Variants in SYTL5 observed in about 807,000 individuals in gnomAD.
The protein encoded by SYTL5 is synaptotagmin like 5.
In SYTL5, 34 loss-of-function variants were observed where a neutral mutation model predicts 55.9. The ratio of observed to expected loss-of-function variants is 0.61; its 90% CI spans 0.46 to 0.81. SYTL5 has a LOEUF of 0.81. Among genes scored for constraint, SYTL5 ranks in the 30% least tolerant of loss-of-function variants. SYTL5 has a pLI of 0.00. For synonymous variants in SYTL5, 221 were observed against 188.7 expected (o/e 1.17, Z -1.40); for missense variants, 637 against 546.7 (o/e 1.17, Z -1.65).
intron 6 of SYTL5, among the ~76,000 whole-genome samples, chrX:38,086,481 C>A (rs758988036): frequency 8.9e-6 from 1 of 112,306 alleles, no homozygotes; most frequent in African/African-American, 3.2e-5. Flanking sequence ...AACTCCCAGA[C>A]AGTGACATAT....
At chrX:37,966,436 C>CTTTTTTTT in the SYTL5 span, among the ~76,000 whole-genome samples, 44 of 78,144 alleles carry the variant, frequency 5.6e-4, 1 homozygote, top group East Asian at 8.4e-4. Context: ...TTTTCTTTTT[C>CTTTTTTTT]TTTTTTTTTT....
the SYTL5 span, among the ~76,000 whole-genome samples, chrX:37,936,593 A>G: frequency 1.8e-5 from 2 of 112,106 alleles, no homozygotes; most frequent in Non-Finnish European, 3.8e-5. Flanking sequence ...TGAGGACTGT[A>G]GGTGATTCAC....
intron 14 of SYTL5, among the ~76,000 whole-genome samples, chrX:38,121,461 A>G (rs1271816731): frequency 8.9e-6 from 1 of 112,300 alleles, no homozygotes; most frequent in Non-Finnish European, 1.9e-5. Flanking sequence ...TGTGAAGAAT[A>G]AACAGGTTCA....
chrX:38,049,678 A>C (rs113865705), intron 2 of SYTL5, among the ~76,000 whole-genome samples: 1 of 112,078 alleles, frequency 8.9e-6, no homozygotes, highest in African/African-American at 3.2e-5. Context: ...ACCTAACTGC[A>C]AGAAATACTG....
chrX:38,105,121 G>T (rs1937174943), intron 10 of SYTL5, among the ~76,000 whole-genome samples: 1 of 112,671 alleles, frequency 8.9e-6, no homozygotes, highest in Admixed American at 9.3e-5. Context: ...TGACTAATGG[G>T]CAAGTAGCAT....
chrX:37,909,876 T>C, the SYTL5 span, among the ~76,000 whole-genome samples: 6 of 110,296 alleles, frequency 5.4e-5, no homozygotes, highest in East Asian at 5.7e-4. Context: ...GGTTTCACCA[T>C]GTTAGCCAGG....
chrX:37,991,747 G>A, the SYTL5 span, among the ~76,000 whole-genome samples: 1 of 112,140 alleles, frequency 8.9e-6, no homozygotes. Context: ...TGAAGTTCAT[G>A]GGACAGGGGC....
chrX:38,028,423 A>C (rs747863007), intron 1 of SYTL5, among the ~76,000 whole-genome samples: 1 of 112,533 alleles, frequency 8.9e-6, no homozygotes, highest in Non-Finnish European at 1.9e-5. Flanking sequence ...ATAAGTTAAG[A>C]ATACTCACAA....
At chrX:38,101,243 A>C (rs1481932257) in intron 9 of SYTL5, among the ~76,000 whole-genome samples, 2 of 111,060 alleles carry the variant, frequency 1.8e-5, no homozygotes, top group South Asian at 7.5e-4. Flanking sequence ...CCGAGGGGAG[A>C]AGGGGCTTGT....
chrX:38,011,581 C>T (rs1385122736), intron 1 of SYTL5, among the ~76,000 whole-genome samples: 2 of 109,377 alleles, frequency 1.8e-5, no homozygotes, highest in Admixed American at 1.9e-4. Context: ...TTGCAGTGAG[C>T]CAAGATCGCG....
chrX:38,090,745 T>A (rs1356697501), intron 7 of SYTL5, among the ~76,000 whole-genome samples: 1 of 112,783 alleles, frequency 8.9e-6, no homozygotes, highest in Non-Finnish European at 1.9e-5. Context: ...ACAGCACTGA[T>A]ATTCAGCAGG....
rs773600746 is a variant in SYTL5 at position 38,084,180 on chromosome X, T to A, written c.690-5266T>A. 1.3e-4 allele frequency among the ~76,000 whole-genome samples: 15 copies of A among 111,901 alleles called. No homozygotes were observed. The East Asian group carries it at 2.3e-3, about 17-fold the overall frequency. On this transcript the variant is annotated intron_variant, in intron 6 of 16. Coordinates refer to ENST00000297875, the MANE Select transcript of SYTL5 (RefSeq NM_138780.3). ...CTATGTAATGAAGCCTCCATAAAAA[T>A]CCAAGAGGACAGAGTTCAGAGAACT...
the SYTL5 span, among the ~76,000 whole-genome samples, chrX:37,969,614 A>G: frequency 8.9e-6 from 1 of 112,138 alleles, no homozygotes; most frequent in Non-Finnish European, 1.9e-5. Flanking sequence ...AGGTAGAGGA[A>G]AGGAAAGAGC....
At chrX:38,022,494 G>A (rs1178271398) in intron 1 of SYTL5, among the ~76,000 whole-genome samples, 1 of 111,754 alleles carries the variant, frequency 8.9e-6, no homozygotes, top group African/African-American at 3.3e-5. Flanking sequence ...AGCTTCTAGA[G>A]GCCATCTGCA....
At position 38,089,579 on chromosome X, in the gene SYTL5, A is replaced by G. The variant is rs4827331; in HGVS notation, c.823A>G (p.Ile275Val). The G allele has an allele frequency of 0.14, 171,826 of 1,206,320 alleles. 8,749 individuals carry two copies. Among genetic ancestry groups the G allele is most frequent in the Middle Eastern group, 0.16 (668 of 4,105 alleles). The part of the protein sequence containing the change: ...APSTRTVTSV[I>V]SREYGFENSM... ...AAGCACACGAACTGTGACCTCAGTCATCAGTAGAGTAAGTACACAAACCTG... is the reference window on the plus strand; with the variant it reads ...AAGCACACGAACTGTGACCTCAGTCGTCAGTAGAGTAAGTACACAAACCTG... Residue 275 changes from isoleucine to valine, a missense_variant, in exon 7 of 17, where the codon ATC (isoleucine) becomes GTC (valine). Coordinates refer to ENST00000297875, the MANE Select transcript of SYTL5 (RefSeq NM_138780.3).
At chrX:38,095,700 G>C (rs1469712463) in intron 8 of SYTL5, among the ~76,000 whole-genome samples, 1 of 111,696 alleles carries the variant, frequency 9.0e-6, no homozygotes, top group African/African-American at 3.2e-5. Context: ...AGAATAGGTT[G>C]CATTGCATTT....
chrX:37,932,098 AAAAT>A, the SYTL5 span, among the ~76,000 whole-genome samples: 1 of 112,355 alleles, frequency 8.9e-6, no homozygotes, highest in African/African-American at 3.2e-5. Context: ...AAGAATTAAA[AAAAT>A]AAAGTAACAA....
the SYTL5 span, among the ~76,000 whole-genome samples, chrX:37,910,967 CTT>C: frequency 1.1e-4 from 9 of 82,706 alleles, no homozygotes; most frequent in Middle Eastern, 6.7e-3. Context: ...GATAGCATTA[CTT>C]TTTTTTTTTT....
At chrX:37,910,816 T>C in the SYTL5 span, among the ~76,000 whole-genome samples, 327 of 111,859 alleles carry the variant, frequency 2.9e-3, 1 homozygote, top group African/African-American at 0.01. Flanking sequence ...TCTAACAAGT[T>C]CCTGGATGAT....
Sources: allele counts gnomAD v4.1 joint callset (sites outside exome capture counted in the v4.1 genomes callset), GRCh38; gene constraint gnomAD v4.1.1; transcripts MANE v1.5; gene names NCBI Gene and HGNC (gene_info 2026-07-23, HGNC 2026-07-21).